Variants in GRM4 observed in about 807,000 individuals in gnomAD.
GRM4 encodes the protein glutamate metabotropic receptor 4.
In GRM4, 28 loss-of-function variants were observed where a neutral mutation model predicts 81.7. That is an observed-to-expected ratio of 0.34 (90% CI 0.25 to 0.47). The LOEUF (loss-of-function observed/expected upper bound fraction) is 0.47. Among genes scored for constraint, GRM4 ranks in the 20% least tolerant of loss-of-function variants. GRM4 has a pLI of 1.00. For missense variants in GRM4, 948 were observed against 1,290.0 expected (o/e 0.73, Z 4.06); for synonymous variants, 488 against 528.8 (o/e 0.92, Z 1.06).
chr6:34,044,291 GACAT>G (rs1314415953), intron 6 of GRM4, among the ~76,000 whole-genome samples: 12 of 80,848 alleles, frequency 1.5e-4, no homozygotes, highest in African/African-American at 3.3e-4. Context: ...CACACACATA[GACAT>G]ACATACATAC....
chr6:34,067,053 C>T (rs543353080), intron 3 of GRM4, among the ~76,000 whole-genome samples: 13 of 152,258 alleles, frequency 8.5e-5, no homozygotes, highest in African/African-American at 3.1e-4. Context: ...TCCTGAAATC[C>T]CATCGTCCCG....
chr6:34,040,982 C>T (rs780503875), intron 6 of GRM4, among the ~76,000 whole-genome samples: 8 of 152,178 alleles, frequency 5.3e-5, no homozygotes, highest in Non-Finnish European at 1.0e-4. Context: ...GGACACCGTA[C>T]CACTGATGCC....
At chr6:34,144,936 C>G (rs1770861502) in intron 1 of GRM4, among the ~76,000 whole-genome samples, 1 of 152,034 alleles carries the variant, frequency 6.6e-6, no homozygotes, top group South Asian at 2.1e-4. Flanking sequence ...GCCCCTAGGG[C>G]TCCGGGGGCG....
chr6:34,141,556 C>G (rs1770691746), intron 1 of GRM4, among the ~76,000 whole-genome samples: 2 of 152,136 alleles, frequency 1.3e-5, no homozygotes, highest in African/African-American at 4.8e-5. Flanking sequence ...AATAATAAAA[C>G]ATTTTGACAG....
chr6:34,091,050 A>G (rs1407052326), intron 3 of GRM4, among the ~76,000 whole-genome samples: 3 of 151,898 alleles, frequency 2.0e-5, no homozygotes, highest in East Asian at 2.0e-4. Context: ...GGCTCACCCC[A>G]GCCCAGGTGG....
At chr6:34,103,733 C>A (rs1329953696) in intron 2 of GRM4, 1 of 1,506,652 alleles carries the variant, frequency 6.6e-7, no homozygotes, top group East Asian at 2.5e-5. Context: ...CAAAGTCCAA[C>A]TCCCATAGGT....
chr6:34,142,150 G>T (rs948011918), intron 1 of GRM4, among the ~76,000 whole-genome samples: 2 of 152,214 alleles, frequency 1.3e-5, no homozygotes, highest in African/African-American at 4.8e-5. Context: ...CAGTGCTCCA[G>T]GCCCATGCCC....
Position 34,059,293 on chromosome 6 carries a change from C to T in GRM4, c.873-165G>A, listed in dbSNP as rs1581632364. The T allele has an allele frequency of 4.5e-6, 3 of 665,516 alleles. No homozygotes were observed. The highest frequency in any genetic ancestry group is 7.9e-6 in the Non-Finnish European group (3 of 382,038). 41.2% of individuals were successfully genotyped at this position (665,516 alleles called of 1,614,324 possible). A position where few individuals can be genotyped will look rare whatever the true frequency, so the allele number is the denominator to read the frequency against. On this transcript the variant is annotated intron_variant, in intron 4 of 10. Transcript: ENST00000538487. The surrounding 1 kb of genome is among the most constrained non-coding windows in gnomAD (Gnocchi z 5.7). ...CCCCAAGCCATGGATTCCCCCTACC[C>T]GCTGCCCTCACCTGCTCATAGACCC...
At position 34,136,276 on chromosome 6, in the gene GRM4, C is replaced by T. The variant is rs1770450405; in HGVS notation, c.-363-2417G>A. On this transcript the variant is annotated intron_variant, in intron 1 of 10. Coordinates refer to ENST00000538487, the MANE Select transcript of GRM4 (RefSeq NM_000841.4). This position sits in a 1 kb window ranked among gnomAD's most constrained non-coding sequence, Gnocchi z 4.1. ...CAGAGCTTGTGCAGGCTGCCCGTGC[C>T]CCTGGCTGCTCCTCTGTGCTGGCCC... 6.6e-6 allele frequency among the ~76,000 whole-genome samples: 1 copy of T among 152,092 alleles called. No individual in the cohort carries two copies. The highest frequency in any genetic ancestry group is 1.5e-5 in the Non-Finnish European group (1 of 68,016).
At chr6:34,030,925 G>C (rs1286069797) in intron 9 of GRM4, among the ~76,000 whole-genome samples, 1 of 152,222 alleles carries the variant, frequency 6.6e-6, no homozygotes, top group Non-Finnish European at 1.5e-5. Flanking sequence ...GGTAGGCCCT[G>C]TACACAGCAG....
Position 34,020,598 on chromosome 6 carries a change from C to G in GRM4, c.*2223G>C, listed in dbSNP as rs1763836577. On this transcript the variant is annotated 3_prime_UTR_variant, in exon 11 of 11. Coordinates refer to ENST00000538487, the MANE Select transcript of GRM4 (RefSeq NM_000841.4). ...CCTTGATCTGGCAACCTAGTTCTGC[C>G]TGACCGGGCTGGAGCACTGGGTGGA... is the stretch of plus-strand genomic sequence containing the variant. 2 of 146,882 alleles carry G rather than the reference C, an allele frequency of 1.4e-5. No homozygotes were observed. Among genetic ancestry groups the G allele is most frequent in the African/African-American group, 5.0e-5 (2 of 39,998 alleles). 9.1% of individuals were successfully genotyped at this position (146,882 alleles called of 1,614,324 possible).
intron 1 of GRM4, among the ~76,000 whole-genome samples, chr6:34,139,911 G>T (rs974681436): frequency 6.6e-6 from 1 of 152,232 alleles, no homozygotes; most frequent in African/African-American, 2.4e-5. Flanking sequence ...ACCAGCCTCT[G>T]CTCTGGGTGG....
At chr6:34,141,509 C>T (rs1012336647) in intron 1 of GRM4, among the ~76,000 whole-genome samples, 11 of 152,200 alleles carry the variant, frequency 7.2e-5, no homozygotes, top group African/African-American at 2.7e-4. Flanking sequence ...TACATTGATG[C>T]CTCACTGCTG....
intron 2 of GRM4, among the ~76,000 whole-genome samples, chr6:34,124,534 C>G (rs1367488370): frequency 1.3e-5 from 2 of 152,206 alleles, no homozygotes; most frequent in Admixed American, 1.3e-4. Flanking sequence ...GTGCTTCCTG[C>G]GTGATAAAGT....
rs1406972160 is a variant in GRM4 at position 34,035,656 on chromosome 6, C to G, written c.2442+12G>C. The G allele has an allele frequency of 2.0e-6, 3 of 1,533,886 alleles. No homozygotes were observed. Among genetic ancestry groups the G allele is most frequent in the African/African-American group, 1.4e-5 (1 of 70,548 alleles). ...ACCTACCCACCGTCCACCCCCGGCC[C>G]CCACCACTCACCTTGTCGGCCGACT... On this transcript the variant is annotated intron_variant, in intron 9 of 10. Coordinates refer to ENST00000538487, the MANE Select transcript of GRM4 (RefSeq NM_000841.4). This position sits in a 1 kb window ranked among gnomAD's most constrained non-coding sequence, Gnocchi z 6.6.
chr6:34,058,213 G>T (rs1766003038), intron 5 of GRM4, among the ~76,000 whole-genome samples: 1 of 152,138 alleles, frequency 6.6e-6, no homozygotes, highest in Non-Finnish European at 1.5e-5. Flanking sequence ...TGGTAGCCAT[G>T]GGCCTCTGGA....
chr6:34,066,872 G>A (rs1766493651), intron 3 of GRM4, among the ~76,000 whole-genome samples: 2 of 152,050 alleles, frequency 1.3e-5, no homozygotes, highest in Non-Finnish European at 2.9e-5. Context: ...ACGTGGTGCC[G>A]CCTGACAGAG....
intron 1 of GRM4, among the ~76,000 whole-genome samples, chr6:34,142,611 G>A (rs1162070956): frequency 6.6e-6 from 1 of 152,222 alleles, no homozygotes; most frequent in East Asian, 1.9e-4. Flanking sequence ...CTCAGGAAGT[G>A]AGTGGGAGCT....
upstream of GRM4, among the ~76,000 whole-genome samples, chr6:34,147,084 T>G (rs1770952234): frequency 6.6e-6 from 1 of 152,216 alleles, no homozygotes; most frequent in South Asian, 2.1e-4. Flanking sequence ...AGTGAATAAA[T>G]GTTGGCAAAG....
Sources: allele counts gnomAD v4.1 joint callset (sites outside exome capture counted in the v4.1 genomes callset), GRCh38; gene constraint gnomAD v4.1.1; non-coding constraint Gnocchi (gnomAD v3.1); transcripts MANE v1.5; gene names NCBI Gene and HGNC (gene_info 2026-07-23, HGNC 2026-07-21).